DNAH7: variants seen among roughly 807,000 people sequenced by gnomAD.
DNAH7 encodes the protein axonemal beta dynein heavy chain 7.
Under a neutral mutation model 444.6 loss-of-function variants are expected in DNAH7, and 397 were observed. That is an observed-to-expected ratio of 0.89 (90% CI 0.82 to 0.97). The LOEUF (loss-of-function observed/expected upper bound fraction) is 0.97. Among genes scored for constraint, DNAH7 ranks in the 50% least tolerant of loss-of-function variants. DNAH7 has a pLI of 0.00. For missense variants in DNAH7, 4,902 were observed against 4,800.8 expected (o/e 1.02, Z -0.62); for synonymous variants, 1,636 against 1,624.4 (o/e 1.01, Z -0.17).
chr2:195,812,618 C>T (rs116228883), intron 51 of DNAH7, among the ~76,000 whole-genome samples: 2,552 of 152,214 alleles, frequency 0.017, 67 homozygotes, highest in African/African-American at 0.058. Context: ...CTAGTCGTAA[C>T]ATAATACATT....
chr2:195,854,392 T>A (rs751242259), intron 45 of DNAH7, among the ~76,000 whole-genome samples: 1 of 152,312 alleles, frequency 6.6e-6, no homozygotes, highest in Non-Finnish European at 1.5e-5. Flanking sequence ...TTTTTACTAA[T>A]GTTATTAGCA....
intron 51 of DNAH7, among the ~76,000 whole-genome samples, chr2:195,810,570 C>T (rs1412668370): frequency 6.6e-6 from 1 of 152,002 alleles, no homozygotes; most frequent in Non-Finnish European, 1.5e-5. Context: ...CACCACCATG[C>T]CTGGCTAATT....
At chr2:195,911,986 C>A (rs1169081230) in intron 24 of DNAH7, among the ~76,000 whole-genome samples, 4 of 152,156 alleles carry the variant, frequency 2.6e-5, no homozygotes, top group African/African-American at 9.7e-5. Context: ...TAATAGGGTT[C>A]TTTCTTGGAA....
intron 49 of DNAH7, among the ~76,000 whole-genome samples, chr2:195,822,055 T>C (rs563875439): frequency 1.7e-4 from 26 of 152,332 alleles, no homozygotes; most frequent in African/African-American, 5.8e-4. Flanking sequence ...CCACTAACTA[T>C]AGACTACATA....
intron 19 of DNAH7, among the ~76,000 whole-genome samples, chr2:195,943,696 T>A (rs1191029611): frequency 6.6e-6 from 1 of 152,200 alleles, no homozygotes; most frequent in Admixed American, 6.6e-5. Flanking sequence ...TATAGCTACA[T>A]TAGCCATGTA....
rs370108640 is a variant in DNAH7, at chr2:195,864,413, A to G, written c.7242T>C (p.Asn2414=). Residue 2414 remains asparagine (N), a synonymous_variant, in exon 41 of 65, where the codon AAT becomes AAC. Transcript: ENST00000312428. The part of the protein sequence containing the change: ...KEESFLEDVS[N]LLNAGEIPNL... ...TTGGAATCTCCCCAGCATTTAGCAG[A>G]TTACTGACATCTTCCAGAAAAGACT... 4 of 1,614,178 alleles carry G rather than the reference A, an allele frequency of 2.5e-6. No individual in the cohort carries two copies. Among genetic ancestry groups the G allele is most frequent in the Middle Eastern group, 1.6e-4 (1 of 6,062 alleles).
At chr2:195,995,488 C>A in intron 12 of DNAH7, 1 of 344,556 alleles carries the variant, frequency 2.9e-6, no homozygotes, top group South Asian at 2.5e-5. Context: ...GTTTTGAAAC[C>A]ATCTGAGAGG....
intron 10 of DNAH7, among the ~76,000 whole-genome samples, chr2:196,009,478 A>G (rs1254383649): frequency 6.6e-6 from 1 of 152,210 alleles, no homozygotes; most frequent in East Asian, 1.9e-4. Context: ...AACTTGGCCT[A>G]GTAATGGTTC....
chr2:196,037,306 C>A (rs932000535), intron 5 of DNAH7, among the ~76,000 whole-genome samples: 3 of 151,898 alleles, frequency 2.0e-5, no homozygotes. Context: ...ATAACAGATG[C>A]ACAGATATCA....
intron 17 of DNAH7, among the ~76,000 whole-genome samples, chr2:195,965,059 CT>C (rs1246092655): frequency 6.6e-6 from 1 of 151,980 alleles, no homozygotes; most frequent in Non-Finnish European, 1.5e-5. Context: ...AGATAAAAGG[CT>C]TTCTTTCAGT....
chr2:196,062,228 T>C (rs1227358734), intron 1 of DNAH7, among the ~76,000 whole-genome samples: 2 of 152,216 alleles, frequency 1.3e-5, no homozygotes, highest in Non-Finnish European at 2.9e-5. Context: ...CTTCTCAGTA[T>C]CCATCTGCTC....
intron 36 of DNAH7, 87 bp from the exon 37 acceptor site, chr2:195,876,786 T>C (rs1701088626): frequency 3.3e-6 from 3 of 907,282 alleles, no homozygotes; most frequent in African/African-American, 1.7e-5. Context: ...ACTGATAGAC[T>C]CGAATTTAAC....
intron 18 of DNAH7, among the ~76,000 whole-genome samples, chr2:195,958,058 T>C (rs185505247): frequency 6.6e-6 from 1 of 152,162 alleles, no homozygotes; most frequent in Non-Finnish European, 1.5e-5. Flanking sequence ...TTCTAAAATA[T>C]AGTTGACCCT....
At chr2:195,754,834 A>G (rs1291774606) in intron 62 of DNAH7, among the ~76,000 whole-genome samples, 1 of 152,206 alleles carries the variant, frequency 6.6e-6, no homozygotes, top group Non-Finnish European at 1.5e-5. Context: ...TTTTGAATAC[A>G]ACACTACTTA....
rs1470180152 is a variant in DNAH7, at chr2:195,737,970, TC to T, written c.12025del (p.Glu4009AsnfsTer8). 6.2e-7 allele frequency: 1 copy of T among 1,614,032 alleles called. No homozygotes were observed. Among genetic ancestry groups the T allele is most frequent in the Admixed American group, 1.7e-5 (1 of 60,020 alleles). On this transcript the variant is annotated frameshift_variant, in exon 65 of 65. Transcript: ENST00000312428. LOFTEE classifies it high-confidence loss of function. ...TGCTACACCTCGTCCAATCCAGTGT[TC>T]CTTGGGTTGGTCAGAGGGAAGAGTC... ...AMTLPSDQPK[E>X]HWIGRGVALL... is the part of the protein sequence containing the mutation.
At chr2:196,000,332 G>A (rs978511509) in intron 12 of DNAH7, among the ~76,000 whole-genome samples, 1 of 152,130 alleles carries the variant, frequency 6.6e-6, no homozygotes, top group Non-Finnish European at 1.5e-5. Context: ...AAAGGTATAT[G>A]AGGGGAGTAA....
chr2:195,829,716 G>C (rs1222645836), intron 48 of DNAH7, among the ~76,000 whole-genome samples: 1 of 151,850 alleles, frequency 6.6e-6, no homozygotes, highest in South Asian at 2.1e-4. Flanking sequence ...GTAATTAAGA[G>C]TGTCTATATT....
chr2:195,862,052 G>A (rs187769135), intron 41 of DNAH7, 106 bp from the exon 42 acceptor site: 36 of 835,988 alleles, frequency 4.3e-5, no homozygotes, highest in Non-Finnish European at 6.3e-5. Flanking sequence ...AAGGGGAATA[G>A]TGTGAGGGAT....
intron 47 of DNAH7, among the ~76,000 whole-genome samples, chr2:195,838,879 G>C (rs577350176): frequency 6.6e-6 from 1 of 151,908 alleles, no homozygotes; most frequent in East Asian, 1.9e-4. Context: ...AATTCATCAA[G>C]AAGACATAAT....
Sources: allele counts gnomAD v4.1 joint callset (sites outside exome capture counted in the v4.1 genomes callset), GRCh38; gene constraint gnomAD v4.1.1; transcripts MANE v1.5; gene names NCBI Gene and HGNC (gene_info 2026-07-23, HGNC 2026-07-21).